ITGA6: variants seen among roughly 807,000 people sequenced by gnomAD.
ITGA6 encodes the protein integrin subunit alpha 6, also known as integrin alpha-6.
Under a neutral mutation model 133.6 loss-of-function variants are expected in ITGA6, and 63 were observed. That is an observed-to-expected ratio of 0.47 (90% CI 0.38 to 0.58). ITGA6 has a LOEUF of 0.58. ITGA6 is among the 20% of genes least tolerant of loss of function. The pLI is 0.00. For synonymous variants in ITGA6, 434 were observed against 482.0 expected (o/e 0.90, Z 1.30); for missense variants, 1,068 against 1,309.4 (o/e 0.82, Z 2.85).
At chr2:172,443,742 A>T (rs560601867) in intron 1 of ITGA6, among the ~76,000 whole-genome samples, 1 of 152,160 alleles carries the variant, frequency 6.6e-6, no homozygotes, top group African/African-American at 2.4e-5. Context: ...ATGTTTTATC[A>T]CTGTGTTGAG....
At chr2:172,430,725 A>C (rs1213858932) in intron 1 of ITGA6, among the ~76,000 whole-genome samples, 2 of 152,182 alleles carry the variant, frequency 1.3e-5, no homozygotes, top group African/African-American at 4.8e-5. Flanking sequence ...AGATACCATA[A>C]ACTTCATCCA....
chr2:172,475,251 T>A (rs1409396390), intron 7 of ITGA6, 129 bp downstream of exon 7: 2 of 714,804 alleles, frequency 2.8e-6, no homozygotes, highest in Non-Finnish European at 5.0e-6. Context: ...GCGGATCACC[T>A]GAGGTCGGGA....
chr2:172,487,165 A>G lies in ITGA6; in HGVS notation c.1970+27A>G, dbSNP rs781068480. 7 of 1,533,938 alleles carry G rather than the reference A, an allele frequency of 4.6e-6. No individual in the cohort carries two copies. In the Admixed American group the frequency reaches 1.2e-4, roughly 26 times the overall value. On this transcript the variant is annotated intron_variant, in intron 14 of 25. Transcript: ENST00000684293. Reference sequence around the variant, plus strand: ...TAAGAATCGTTGTGTAGCACTAGCAAAAATGATTCTGGCTTCATGGTGGCT... The same window carrying G: ...TAAGAATCGTTGTGTAGCACTAGCAGAAATGATTCTGGCTTCATGGTGGCT...
chr2:172,443,858 T>C (rs1559118133), intron 1 of ITGA6, among the ~76,000 whole-genome samples: 2 of 152,234 alleles, frequency 1.3e-5, no homozygotes, highest in Admixed American at 6.5e-5. Flanking sequence ...TACTGCAGCC[T>C]CAACCTCCTG....
intron 9 of ITGA6, among the ~76,000 whole-genome samples, chr2:172,479,057 G>A (rs541462253): frequency 6.6e-6 from 1 of 152,338 alleles, no homozygotes; most frequent in South Asian, 2.1e-4. Context: ...TCAAGTGTGT[G>A]CACAGATGAT....
At chr2:172,444,936 T>G (rs1392923147) in intron 1 of ITGA6, among the ~76,000 whole-genome samples, 1 of 151,210 alleles carries the variant, frequency 6.6e-6, no homozygotes, top group East Asian at 2.1e-4. Context: ...ATGTAAGCGT[T>G]TAGGCATATA....
Position 172,434,237 on chromosome 2 carries a change from A to G in ITGA6, c.182+6267A>G, listed in dbSNP as rs1684224533. Among the ~76,000 whole-genome samples, 3 of 152,188 alleles carry G rather than the reference A, an allele frequency of 2.0e-5. No homozygotes were observed. The South Asian group carries it at 6.2e-4, about 32-fold the overall frequency. ...TCCTTCACAGGTTTGTTAAACTGGCATTTAGATTTGCAAACACTGATCTCT... is the reference window on the plus strand; with the variant it reads ...TCCTTCACAGGTTTGTTAAACTGGCGTTTAGATTTGCAAACACTGATCTCT... On this transcript the variant is annotated intron_variant, in intron 1 of 25. Transcript: ENST00000684293.
intron 13 of ITGA6, among the ~76,000 whole-genome samples, chr2:172,485,483 T>C (rs543845085): frequency 6.6e-6 from 1 of 152,328 alleles, no homozygotes; most frequent in Non-Finnish European, 1.5e-5. Flanking sequence ...GTATTTTCCT[T>C]CTTCATTTTT....
At chr2:172,447,200 ATTTTAT>A (rs1035937931) in intron 1 of ITGA6, among the ~76,000 whole-genome samples, 9 of 151,860 alleles carry the variant, frequency 5.9e-5, no homozygotes, top group African/African-American at 2.2e-4. Context: ...GCCTAGCCAA[ATTTTAT>A]TTTTATTTTT....
chr2:172,502,077 G>GT (rs944695976), intron 25 of ITGA6, among the ~76,000 whole-genome samples, 176 bp downstream of exon 25: 18 of 151,676 alleles, frequency 1.2e-4, no homozygotes, highest in Admixed American at 5.9e-4. Flanking sequence ...CTCAGTTTTT[G>GT]TTTTTTTTAA....
intron 4 of ITGA6, among the ~76,000 whole-genome samples, chr2:172,470,219 G>A (rs1191755196): frequency 2.6e-5 from 4 of 152,066 alleles, no homozygotes; most frequent in African/African-American, 9.7e-5. Flanking sequence ...ACCTTTCTCT[G>A]TGTGCAATCT....
chr2:172,442,763 G>A (rs921508672), intron 1 of ITGA6, among the ~76,000 whole-genome samples: 1 of 152,090 alleles, frequency 6.6e-6, no homozygotes, highest in Non-Finnish European at 1.5e-5. Context: ...CCTCTGGAAC[G>A]GGCTGTAAAA....
At position 172,465,237 on chromosome 2, in the gene ITGA6, T is replaced by A. The variant is rs12471315; in HGVS notation, c.183-302T>A. 171,869 of 451,198 alleles carry A rather than the reference T, an allele frequency of 0.38. 36,559 individuals carry two copies. The highest frequency in any genetic ancestry group is 0.81 in the East Asian group (17,903 of 22,166). The allele number at this position is 451,198 out of a possible 1,614,324, so 27.9% of individuals were successfully genotyped here. A position where few individuals can be genotyped will look rare whatever the true frequency, so the allele number is the denominator to read the frequency against. ...CATAGGGGCTTAGAGGTTGTATTCT[T>A]TGAAGAGGGTGTCTTTTAAACACCA... On this transcript the variant is annotated intron_variant, in intron 1 of 25. Coordinates refer to ENST00000684293, the MANE Select transcript of ITGA6 (RefSeq NM_000210.4).
At chr2:172,489,439 A>T in intron 19 of ITGA6, 46 bp from the exon 20 acceptor site, 1 of 1,449,398 alleles carries the variant, frequency 6.9e-7, no homozygotes, top group East Asian at 2.3e-5. Context: ...ACTTAAATTT[A>T]CATTGAGAAG....
chr2:172,487,845 C>A, intron 17 of ITGA6, 38 bp downstream of exon 17: 1 of 1,523,246 alleles, frequency 6.6e-7, no homozygotes, highest in South Asian at 1.1e-5. Flanking sequence ...AGAATTATTT[C>A]ATGAAAATAT....
chr2:172,453,590 G>A (rs750246300), intron 1 of ITGA6, among the ~76,000 whole-genome samples: 46 of 152,278 alleles, frequency 3.0e-4, no homozygotes, highest in Non-Finnish European at 4.7e-4. Context: ...TAGAGCCTTC[G>A]AAGGAGCATG....
intron 25 of ITGA6, among the ~76,000 whole-genome samples, chr2:172,503,171 A>G (rs1265895515): frequency 6.6e-6 from 1 of 152,170 alleles, no homozygotes; most frequent in Non-Finnish European, 1.5e-5. Context: ...TTCTATCAAT[A>G]TCCTCATTCT....
intron 24 of ITGA6, among the ~76,000 whole-genome samples, chr2:172,500,971 A>C (rs1252674206): frequency 6.6e-6 from 1 of 152,250 alleles, no homozygotes; most frequent in African/African-American, 2.4e-5. Flanking sequence ...ACTAGGAATC[A>C]GAGTTTTTCA....
At chr2:172,478,626 G>A (rs571875084) in intron 9 of ITGA6, among the ~76,000 whole-genome samples, 39 of 152,194 alleles carry the variant, frequency 2.6e-4, no homozygotes, top group Non-Finnish European at 5.4e-4. Context: ...GTTTTCAGAT[G>A]GTGAACCAGA....
Sources: allele counts gnomAD v4.1 joint callset (sites outside exome capture counted in the v4.1 genomes callset), GRCh38; gene constraint gnomAD v4.1.1; transcripts MANE v1.5; gene names NCBI Gene and HGNC (gene_info 2026-07-23, HGNC 2026-07-21).